The following ALG6 variants were observed in gnomAD, a reference collection of about 807,000 sequenced individuals.
The protein encoded by ALG6 is dolichyl pyrophosphate Man9GlcNAc2 alpha-1,3-glucosyltransferase.
ALG6 carries 46 observed loss-of-function variants against 66.6 expected under a neutral mutation model. The observed-to-expected ratio is 0.69, with a 90% CI of 0.55 to 0.88. The LOEUF (loss-of-function observed/expected upper bound fraction) is 0.88, where lower values mean the gene tolerates loss of function less well. Ranked by LOEUF, ALG6 falls within the 40% of genes least tolerant of loss-of-function variation. ALG6 has a pLI of 0.00. For missense variants in ALG6, 505 were observed against 586.8 expected, an observed-to-expected ratio of 0.86 and a Z score of 1.44; for synonymous variants, 185 against 203.7, an observed-to-expected ratio of 0.91 and a Z score of 0.78.
At chr1:63,415,817 G>C in intron 10 of ALG6, 56 bp from the exon 11 acceptor site, 1 of 1,102,948 alleles carries the variant, frequency 9.1e-7, no homozygotes, top group Non-Finnish European at 1.3e-6. Context: ...CCTTATTTAA[G>C]CTAGATTTAT....
chr1:63,429,211 C>T, intron 14 of ALG6, 85 bp downstream of exon 14: 1 of 994,666 alleles, frequency 1.0e-6, no homozygotes, highest in South Asian at 1.5e-5. Flanking sequence ...TCTTTTATAC[C>T]TTTTTGAGAT....
At chr1:63,397,308 C>T (rs1648855240) in intron 3 of ALG6, among the ~76,000 whole-genome samples, 1 of 151,960 alleles carries the variant, frequency 6.6e-6, no homozygotes, top group African/African-American at 2.4e-5. Context: ...GCCTCAGCCT[C>T]CCAAGTATCT....
intron 10 of ALG6, among the ~76,000 whole-genome samples, chr1:63,415,118 C>T (rs1644538498): frequency 6.6e-6 from 1 of 152,124 alleles, no homozygotes. Flanking sequence ...GAGAATTTCC[C>T]TTGTAGCCCA....
chr1:63,402,153 CA>C, intron 3 of ALG6, 100 bp from the exon 4 acceptor site: 1 of 782,402 alleles, frequency 1.3e-6, no homozygotes, highest in Non-Finnish European at 2.2e-6. Flanking sequence ...TAGTAAATTA[CA>C]TTATTAAGCT....
At chr1:63,373,196 AG>A (rs761263602) in intron 2 of ALG6, among the ~76,000 whole-genome samples, 12 of 150,534 alleles carry the variant, frequency 8.0e-5, no homozygotes, top group Non-Finnish European at 1.6e-4. Flanking sequence ...TTGTAGACAC[AG>A]GGTCTCACCA....
chr1:63,398,618 G>A (rs189116484), intron 3 of ALG6, among the ~76,000 whole-genome samples: 125 of 152,022 alleles, frequency 8.2e-4, no homozygotes, highest in African/African-American at 2.9e-3. Flanking sequence ...GACTACAGGC[G>A]CCCACCACCA....
chr1:63,378,122 T>C (rs1454559368), intron 2 of ALG6, among the ~76,000 whole-genome samples: 1 of 152,182 alleles, frequency 6.6e-6, no homozygotes, highest in African/African-American at 2.4e-5. Context: ...TGAGATCATT[T>C]TTTTCTTCCT....
intron 2 of ALG6, among the ~76,000 whole-genome samples, chr1:63,377,439 C>T (rs914403255): frequency 1.3e-5 from 2 of 152,094 alleles, no homozygotes; most frequent in Non-Finnish European, 2.9e-5. Context: ...TAAGCAATTT[C>T]CTTCCGCAAT....
intron 3 of ALG6, among the ~76,000 whole-genome samples, chr1:63,401,268 A>T (rs982729282): frequency 6.6e-6 from 1 of 152,200 alleles, no homozygotes; most frequent in South Asian, 2.1e-4. Context: ...CCTTCCGAAG[A>T]TGATTAATAG....
chr1:63,388,411 A>C (rs1274715798), intron 2 of ALG6, among the ~76,000 whole-genome samples: 1 of 152,188 alleles, frequency 6.6e-6, no homozygotes, highest in Non-Finnish European at 1.5e-5. Flanking sequence ...TCATTATTTT[A>C]AGCTAATGAT....
chr1:63,397,934 C>T (rs1331552329), intron 3 of ALG6, among the ~76,000 whole-genome samples: 2 of 152,058 alleles, frequency 1.3e-5, no homozygotes, highest in African/African-American at 4.8e-5. Flanking sequence ...TAGGCCAGTC[C>T]CTAGCATGTA....
intron 3 of ALG6, among the ~76,000 whole-genome samples, chr1:63,401,440 T>C (rs528532399): frequency 1.5e-4 from 23 of 151,740 alleles, no homozygotes; most frequent in Non-Finnish European, 2.4e-4. Flanking sequence ...CCGAGGAGGG[T>C]GGATCACTTG....
Position 63,437,159 on chromosome 1 carries a change from AG to A in ALG6, c.*140del. The A allele has an allele frequency of 1.3e-6, 1 of 786,944 alleles. No homozygotes were observed. The highest frequency in any genetic ancestry group is 2.0e-6 in the Non-Finnish European group (1 of 491,974). 48.7% of individuals were successfully genotyped at this position (786,944 alleles called of 1,614,324 possible). A position where few individuals can be genotyped will look rare whatever the true frequency, so the allele number is the denominator to read the frequency against. ...AACCACAGGAAAGGAAATGGTGAAAAGTCATTGTTGTCTACACAAAATAAAT... is the reference window on the plus strand; with the variant it reads ...AACCACAGGAAAGGAAATGGTGAAAATCATTGTTGTCTACACAAAATAAAT... On this transcript the variant is annotated 3_prime_UTR_variant, in exon 15 of 15. Transcript: ENST00000263440.
At chr1:63,400,247 ATATATATG>A (rs1570057002) in intron 3 of ALG6, among the ~76,000 whole-genome samples, 3 of 6,984 alleles carry the variant, frequency 4.3e-4, no homozygotes, top group African/African-American at 8.2e-4. Context: ...ATATATACGT[ATATATATG>A]TATATATATA....
chr1:63,405,070 T>C (rs975610975), intron 5 of ALG6, among the ~76,000 whole-genome samples: 1 of 152,172 alleles, frequency 6.6e-6, no homozygotes, highest in Non-Finnish European at 1.5e-5. Context: ...AGCTTAGATT[T>C]CTTTAAGAGC....
chr1:63,422,446 TATATATATAAATATAAATATATATATAA>T (rs1455256606), intron 12 of ALG6, among the ~76,000 whole-genome samples: 96 of 118,180 alleles, frequency 8.1e-4, no homozygotes, highest in African/African-American at 3.1e-3. Flanking sequence ...TATATATAAA[TATATATATAAATATAAATATATATATAA>T]ATATATATAT....
Position 63,419,365 on chromosome 1 carries a change from T to C in ALG6, c.988-5T>C. On this transcript the variant is annotated splice_region_variant and splice_polypyrimidine_tract_variant and intron_variant, in intron 11 of 14. Coordinates refer to ENST00000263440, the MANE Select transcript of ALG6 (RefSeq NM_013339.4). ...TATCTCATTTCCCCCCCTTTTTTCT[T>C]AAAGGTTAGCTGTGCGCTATCATTC... 5.0e-6 allele frequency: 8 copies of C among 1,608,272 alleles called. No individual in the cohort carries two copies. The highest frequency in any genetic ancestry group is 6.8e-6 in the Non-Finnish European group (8 of 1,176,272).
Position 63,436,910 on chromosome 1 carries a change from G to C in ALG6, c.1414G>C (p.Val472Leu), listed in dbSNP as rs1644682228. The stretch of plus-strand genomic sequence containing the variant: ...TCAGAAACTACCGGACTTGTTTTCT[G>C]TATTGGTGTGTTTTGTATCTTGCTT... ...PPQKLPDLFS[V>L]LVCFVSCLNF... Residue 472 changes from valine to leucine, a missense_variant, in exon 15 of 15, where the codon GTA becomes CTA. By Grantham distance (32) the Val-to-Leu change is conservative. Coordinates refer to ENST00000263440, the MANE Select transcript of ALG6 (RefSeq NM_013339.4). 13 of 1,613,800 alleles carry C rather than the reference G, an allele frequency of 8.1e-6. No homozygotes were observed. The East Asian group carries it at 2.9e-4, about 36-fold the overall frequency.
Position 63,415,422 on chromosome 1 carries a change from T to A in ALG6, c.903-451T>A, listed in dbSNP as rs576147761. Among the ~76,000 whole-genome samples the A allele has an allele frequency of 2.0e-5, 3 of 152,294 alleles. No individual in the cohort carries two copies. The East Asian group carries it at 5.8e-4, about 29-fold the overall frequency. On this transcript the variant is annotated intron_variant, in intron 10 of 14. Coordinates refer to ENST00000263440, the MANE Select transcript of ALG6 (RefSeq NM_013339.4). The stretch of plus-strand genomic sequence containing the variant: ...TTGTTCTTTATGATTTACCATGGGC[T>A]TGAAAATCAGATAATCAATGTTTGT...
Sources: allele counts gnomAD v4.1 joint callset (sites outside exome capture counted in the v4.1 genomes callset), GRCh38; gene constraint gnomAD v4.1.1; transcripts MANE v1.5; gene names NCBI Gene and HGNC (gene_info 2026-07-23, HGNC 2026-07-21).